The following PRKG1 variants were observed in gnomAD, a reference collection of about 807,000 sequenced individuals.
The protein encoded by PRKG1 is protein kinase cGMP-dependent 1.
PRKG1 carries 35 observed loss-of-function variants against 88.1 expected under a neutral mutation model. That is an observed-to-expected ratio of 0.40 (90% confidence interval 0.30 to 0.53). The LOEUF (loss-of-function observed/expected upper bound fraction) is 0.53, where lower values mean the gene tolerates loss of function less well. Among genes scored for constraint, PRKG1 ranks in the 20% least tolerant of loss-of-function variants. The pLI, the probability that PRKG1 is intolerant of heterozygous loss-of-function variation, is 0.59. For synonymous variants in PRKG1, 303 were observed against 292.5 expected (o/e 1.04, Z -0.37); for missense variants, 540 against 839.8 (o/e 0.64, Z 4.41).
intron 5 of PRKG1, among the ~76,000 whole-genome samples, chr10:51,977,210 A>C (rs1843859878): frequency 6.6e-6 from 1 of 152,024 alleles, no homozygotes. Flanking sequence ...AGTGGGAACA[A>C]ACATGTGGTA....
intron 1 of PRKG1, among the ~76,000 whole-genome samples, chr10:51,054,037 C>A (rs1378041045): frequency 2.0e-5 from 3 of 152,078 alleles, no homozygotes; most frequent in Non-Finnish European, 4.4e-5. Context: ...CCAGCCTTTA[C>A]ATTAAAATGT....
intron 2 of PRKG1, 109 bp from the exon 3 acceptor site, chr10:51,467,614 G>T: frequency 5.2e-6 from 4 of 771,446 alleles, no homozygotes; most frequent in Non-Finnish European, 8.2e-6. Flanking sequence ...GTTTTAATTG[G>T]TAACTGCATT....
At chr10:52,033,505 A>G (rs1049335310) in intron 5 of PRKG1, among the ~76,000 whole-genome samples, 2 of 152,116 alleles carry the variant, frequency 1.3e-5, no homozygotes, top group African/African-American at 4.8e-5. Context: ...GACTATGTTT[A>G]TATCACCTTT....
intron 2 of PRKG1, among the ~76,000 whole-genome samples, chr10:51,162,328 A>G (rs1846385169): frequency 1.3e-5 from 2 of 152,066 alleles, no homozygotes; most frequent in South Asian, 4.2e-4. Context: ...CACAGGCTGT[A>G]ATTGCACCTA....
chr10:51,194,308 A>G lies in PRKG1; in HGVS notation c.478+40978A>G, dbSNP rs1005513435. ...GAATGAGCAGGTTTGTTACATAGGTATACATGTGCCATGGTGGTTTGCTGC... is the reference window on the plus strand; with the variant it reads ...GAATGAGCAGGTTTGTTACATAGGTGTACATGTGCCATGGTGGTTTGCTGC... On this transcript the variant is annotated intron_variant, in intron 2 of 17. Coordinates refer to ENST00000373980, the MANE Select transcript of PRKG1 (RefSeq NM_006258.4). Among the ~76,000 whole-genome samples, 3 of 151,308 alleles carry G rather than the reference A, an allele frequency of 2.0e-5. 1 individual carries two copies. Among genetic ancestry groups the G allele is most frequent in the Middle Eastern group, 6.8e-3 (2 of 294 alleles).
intron 9 of PRKG1, among the ~76,000 whole-genome samples, chr10:52,170,879 C>T (rs574424693): frequency 0.07 from 820 of 11,732 alleles, 5 homozygotes; most frequent in African/African-American, 0.2. Context: ...GGTTGCTCTT[C>T]GGCGGCTTTC....
chr10:52,274,440 C>T (rs979480234), intron 12 of PRKG1, among the ~76,000 whole-genome samples: 1 of 151,688 alleles, frequency 6.6e-6, no homozygotes, highest in African/African-American at 2.4e-5. Context: ...CAGTTCCCTG[C>T]AAATGCTGTT....
At chr10:52,244,948 TA>T (rs1840985375) in intron 9 of PRKG1, among the ~76,000 whole-genome samples, 1 of 144,996 alleles carries the variant, frequency 6.9e-6, no homozygotes, top group Admixed American at 7.0e-5. Context: ...AATATATATT[TA>T]AAATATATTT....
intron 7 of PRKG1, among the ~76,000 whole-genome samples, chr10:52,089,398 T>G (rs1846995211): frequency 6.6e-6 from 1 of 152,196 alleles, no homozygotes; most frequent in African/African-American, 2.4e-5. Flanking sequence ...GATGAAAAAA[T>G]TCTCCTCTAA....
intron 2 of PRKG1, chr10:51,319,798 C>T (rs976565833): frequency 2.6e-5 from 4 of 152,636 alleles, no homozygotes; most frequent in Non-Finnish European, 5.9e-5. Flanking sequence ...TGCATCCTGC[C>T]GCAATCTGTC....
intron 2 of PRKG1, among the ~76,000 whole-genome samples, chr10:51,363,237 G>A (rs1037210963): frequency 8.0e-5 from 12 of 150,522 alleles, no homozygotes; most frequent in South Asian, 2.1e-4. Flanking sequence ...AAAAATTCTC[G>A]CACTCCATCA....
intron 3 of PRKG1, among the ~76,000 whole-genome samples, chr10:51,751,572 G>A (rs1837726968): frequency 3.3e-5 from 5 of 152,098 alleles, no homozygotes; most frequent in Admixed American, 2.6e-4. Flanking sequence ...TTTTATGGCA[G>A]AAGTATATTT....
intron 8 of PRKG1, among the ~76,000 whole-genome samples, chr10:52,155,183 CA>C (rs5784908): frequency 0.65 from 98,183 of 151,814 alleles, 35,554 homozygotes; most frequent in South Asian, 0.83. Flanking sequence ...ACTGAAATCC[CA>C]GTACTACTTT....
intron 2 of PRKG1, among the ~76,000 whole-genome samples, chr10:51,156,363 G>C (rs942371564): frequency 7.1e-6 from 1 of 140,502 alleles, no homozygotes; most frequent in East Asian, 2.1e-4. Context: ...CTCATGATAG[G>C]TGATATTTCT....
chr10:51,213,852 G>A (rs1333096971), intron 2 of PRKG1, among the ~76,000 whole-genome samples: 1 of 151,890 alleles, frequency 6.6e-6, no homozygotes, highest in African/African-American at 2.4e-5. Flanking sequence ...TTACAGAATG[G>A]GAAGTTGTTT....
At chr10:51,336,506 A>G (rs1229075589) in intron 2 of PRKG1, among the ~76,000 whole-genome samples, 1 of 152,188 alleles carries the variant, frequency 6.6e-6, no homozygotes, top group African/African-American at 2.4e-5. Flanking sequence ...TCCCCCTCTT[A>G]TGGCACACAC....
intron 4 of PRKG1, among the ~76,000 whole-genome samples, chr10:51,806,243 G>A (rs1459121347): frequency 6.6e-6 from 1 of 152,096 alleles, no homozygotes; most frequent in African/African-American, 2.4e-5. Flanking sequence ...CCTAAGCGTT[G>A]GACACTTACG....
At chr10:51,381,256 TAAAAAAAAAAAAAAAAAAAAAAAAAAA>T (rs71029366) in intron 2 of PRKG1, among the ~76,000 whole-genome samples, 346 of 32,060 alleles carry the variant, frequency 0.011, 4 homozygotes, top group African/African-American at 0.027. Flanking sequence ...GCCTCCATCT[TAAAAAAAAAAAAAAAAAAAAAAAAAAA>T]AAAAAAAAAA....
intron 5 of PRKG1, among the ~76,000 whole-genome samples, chr10:52,011,754 C>T (rs888549724): frequency 4.6e-5 from 7 of 152,184 alleles, no homozygotes; most frequent in African/African-American, 1.7e-4. Context: ...TGTGTCCCCA[C>T]CCAAATTGCA....
Sources: gnomAD v4.1 joint callset for allele counts (sites outside exome capture counted in the v4.1 genomes callset) on GRCh38, gnomAD v4.1.1 for gene constraint, MANE v1.5 for transcripts, NCBI Gene and HGNC (gene_info 2026-07-23, HGNC 2026-07-21) for gene names.